The following DOT1L variants were observed in gnomAD, a reference collection of about 807,000 sequenced individuals.
The protein encoded by DOT1L is histone-lysine N-methyltransferase, H3 lysine-79 specific.
A neutral mutation model predicts 153.3 loss-of-function variants in DOT1L; 33 were observed. That is an observed-to-expected ratio of 0.22 (90% CI 0.16 to 0.29). DOT1L has a LOEUF of 0.29. Ranked by LOEUF, DOT1L falls within the 10% of genes least tolerant of loss-of-function variation. The pLI is 1.00. For synonymous variants in DOT1L, 1,135 were observed against 965.1 expected (o/e 1.18, Z -3.26); for missense variants, 1,847 against 2,119.9 (o/e 0.87, Z 2.53).
rs373726625 is a variant in DOT1L, at chr19:2,216,326, C to T, written c.1969C>T (p.Leu657=). Residue 657 remains leucine, a synonymous_variant, in exon 20 of 28, where the codon CTG becomes TTG. Transcript: ENST00000398665. ...LEKSQRQQEL[L]QLKSCVPPDD... is the part of the protein sequence containing the mutation. ...GAAGAGCCAGCGGCAGCAGGAGCTC[C>T]TGCAGCTCAAGTCCTGTGTGCCGCC... is the stretch of plus-strand genomic sequence containing the variant. The T allele has an allele frequency of 3.0e-5, 48 of 1,596,782 alleles. No individual in the cohort carries two copies. Among genetic ancestry groups the T allele is most frequent in the Non-Finnish European group, 4.0e-5 (47 of 1,167,786 alleles).
chr19:2,169,889 G>T (rs902471847), intron 1 of DOT1L, among the ~76,000 whole-genome samples: 1 of 152,198 alleles, frequency 6.6e-6, no homozygotes, highest in Admixed American at 6.5e-5. Context: ...AGGCACGGTG[G>T]CTCATGCCTG....
intron 7 of DOT1L, among the ~76,000 whole-genome samples, chr19:2,194,951 G>A (rs1254446279): frequency 6.6e-6 from 1 of 152,162 alleles, no homozygotes; most frequent in African/African-American, 2.4e-5. Flanking sequence ...TTGTTTGGAC[G>A]GGTTCCTGGT....
At chr19:2,170,310 G>A (rs1173969183) in intron 1 of DOT1L, among the ~76,000 whole-genome samples, 1 of 152,170 alleles carries the variant, frequency 6.6e-6, no homozygotes, top group Non-Finnish European at 1.5e-5. Context: ...GTGTGGTTGG[G>A]AGGCGTGACT....
At chr19:2,200,975 CCT>C (rs1192021843) in intron 8 of DOT1L, among the ~76,000 whole-genome samples, 3 of 140,440 alleles carry the variant, frequency 2.1e-5, no homozygotes, top group East Asian at 4.4e-4. Context: ...CTCGTCCTCC[CCT>C]CATTCCTCGT....
intron 6 of DOT1L, 130 bp from the exon 7 acceptor site, chr19:2,194,385 A>T: frequency 1.1e-6 from 1 of 926,940 alleles, no homozygotes; most frequent in Non-Finnish European, 1.7e-6. Context: ...GTTAGCCAGG[A>T]TGGTCGCAAT....
chr19:2,187,878 CG>C (rs2022601316), intron 3 of DOT1L, among the ~76,000 whole-genome samples: 1 of 149,284 alleles, frequency 6.7e-6, no homozygotes, highest in South Asian at 2.1e-4. Flanking sequence ...GCTGAGATCG[CG>C]CCACCGCACT....
At position 2,229,845 on chromosome 19, in the gene DOT1L, G is replaced by A. The variant is rs886386242; in HGVS notation, c.*53G>A. The A allele has an allele frequency of 3.4e-5, 55 of 1,611,986 alleles. No homozygotes were observed. The highest frequency in any genetic ancestry group is 8.0e-5 in the African/African-American group (6 of 74,944). On this transcript the variant is annotated 3_prime_UTR_variant, in exon 28 of 28. Transcript: ENST00000398665. ...GCAAGGACGGTGTGGACCAACTCGC[G>A]CCCGCGGCATGGTGCCCGCCGGCCT...
intron 2 of DOT1L, among the ~76,000 whole-genome samples, chr19:2,184,472 A>G (rs1284379596): frequency 6.6e-6 from 1 of 151,912 alleles, no homozygotes; most frequent in Admixed American, 6.6e-5. Flanking sequence ...GTAGGGGGCA[A>G]TGAAGCTACT....
chr19:2,190,585 G>A lies in DOT1L; in HGVS notation c.265-427G>A, dbSNP rs1488314749. ...CTGCAGCTGGTGGGGAGGAAGGCGG[G>A]GTCCCACGTAGTCGAGTCAGATGAG... On this transcript the variant is annotated intron_variant, in intron 4 of 27. Coordinates refer to ENST00000398665, the MANE Select transcript of DOT1L (RefSeq NM_032482.3). The surrounding 1 kb of genome is among the most constrained non-coding windows in gnomAD (Gnocchi z 4.8). Among the ~76,000 whole-genome samples the A allele has an allele frequency of 6.6e-6, 1 of 152,170 alleles. No individual in the cohort carries two copies. The highest frequency in any genetic ancestry group is 1.5e-5 in the Non-Finnish European group (1 of 68,008).
intron 2 of DOT1L, among the ~76,000 whole-genome samples, chr19:2,184,060 C>T (rs1306299030): frequency 2.0e-5 from 3 of 152,198 alleles, no homozygotes; most frequent in Admixed American, 1.3e-4. Context: ...CGCTCTGTGG[C>T]GCAGAACCAC....
At chr19:2,174,958 A>ATGTGTG (rs71337121) in intron 1 of DOT1L, among the ~76,000 whole-genome samples, 7,215 of 129,844 alleles carry the variant, frequency 0.056, 250 homozygotes, top group Non-Finnish European at 0.058. Flanking sequence ...TTTTAAATAT[A>ATGTGTG]TGTGTGTGTG....
intron 16 of DOT1L, 51 bp from the exon 17 acceptor site, chr19:2,213,488 C>A (rs2144848869): frequency 6.3e-7 from 1 of 1,581,078 alleles, no homozygotes; most frequent in Non-Finnish European, 8.6e-7. Context: ...TCCCTGTGGG[C>A]CCTCAGTCAC....
In DOT1L at chr19:2,204,893, CT is replaced by C. The variant is rs2023433664; in HGVS notation, c.788-1835del. On this transcript the variant is annotated intron_variant, in intron 9 of 27. Coordinates refer to ENST00000398665, the MANE Select transcript of DOT1L (RefSeq NM_032482.3). The surrounding 1 kb of genome is among the most constrained non-coding windows in gnomAD (Gnocchi z 5.7). ...GGGAGTGGTGTGTAGAATGCCAGGCCTGGGCTGGTGTGGCGTCCAGGGGAGG... is the reference window on the plus strand; with the variant it reads ...GGGAGTGGTGTGTAGAATGCCAGGCCGGGCTGGTGTGGCGTCCAGGGGAGG... Among the ~76,000 whole-genome samples the C allele has an allele frequency of 1.3e-5, 2 of 152,174 alleles. No individual in the cohort carries two copies. The highest frequency in any genetic ancestry group is 2.9e-5 in the Non-Finnish European group (2 of 68,032).
At chr19:2,218,054 G>A in intron 22 of DOT1L, 136 bp downstream of exon 22, 1 of 1,304,900 alleles carries the variant, frequency 7.7e-7, no homozygotes, top group Non-Finnish European at 1.0e-6. Flanking sequence ...AAGGTGGGCT[G>A]TCCAAAGCCG....
chr19:2,229,679 G>T, intron 27 of DOT1L, 106 bp from the exon 28 acceptor site: 1 of 1,603,534 alleles, frequency 6.2e-7, no homozygotes, highest in South Asian at 1.1e-5. Flanking sequence ...GCCCCAGGTG[G>T]CGTGTGTGCT....
chr19:2,211,334 T>G (rs1299314124), intron 15 of DOT1L, 122 bp downstream of exon 15: 3 of 892,422 alleles, frequency 3.4e-6, no homozygotes, highest in Non-Finnish European at 5.0e-6. Context: ...CCCACTGAAG[T>G]TTACCCAGGG....
intron 1 of DOT1L, among the ~76,000 whole-genome samples, chr19:2,164,706 A>C (rs2019843654): frequency 6.6e-6 from 1 of 150,824 alleles, no homozygotes; most frequent in Non-Finnish European, 1.5e-5. Flanking sequence ...GGCGTTTGTC[A>C]CGCTTTTCCT....
rs750330281 is a variant in DOT1L, at chr19:2,191,026, G to A, written c.279G>A (p.Thr93=). Reference sequence around the variant, plus strand: ...TCCGTCCGCAGTGGAAGGGCACCACGCAGCCCATGAAGCTGAACACGCGGC... The same window carrying A: ...TCCGTCCGCAGTGGAAGGGCACCACACAGCCCATGAAGCTGAACACGCGGC... ...DSIHQLWKGT[T]QPMKLNTRPS... Residue 93 remains threonine, a synonymous_variant, in exon 5 of 28, where the codon ACG becomes ACA. Transcript: ENST00000398665. The surrounding 1 kb of genome is among the most constrained non-coding windows in gnomAD (Gnocchi z 6.8). The A allele has an allele frequency of 7.4e-5, 119 of 1,602,830 alleles. No individual in the cohort carries two copies. The highest frequency in any genetic ancestry group is 8.7e-5 in the Non-Finnish European group (102 of 1,176,930).
At chr19:2,189,992 G>A (rs1398715010) in intron 4 of DOT1L, among the ~76,000 whole-genome samples, 197 bp downstream of exon 4, 1 of 152,158 alleles carries the variant, frequency 6.6e-6, no homozygotes, top group African/African-American at 2.4e-5. Flanking sequence ...CTGTGGCCGT[G>A]TGCCAAAGCA....
Sources: allele counts gnomAD v4.1 joint callset (sites outside exome capture counted in the v4.1 genomes callset), GRCh38; gene constraint gnomAD v4.1.1; non-coding constraint Gnocchi (gnomAD v3.1); transcripts MANE v1.5; gene names NCBI Gene and HGNC (gene_info 2026-07-23, HGNC 2026-07-21).